The following IQGAP2 variants were observed in gnomAD, a reference collection of about 807,000 sequenced individuals.
IQGAP2 encodes IQ motif containing GTPase activating protein 2.
In IQGAP2, 173 loss-of-function variants were observed where a neutral mutation model predicts 201.3. The observed-to-expected ratio is 0.86, with a 90% confidence interval of 0.76 to 0.98. IQGAP2 has a LOEUF of 0.98. Among genes scored for constraint, IQGAP2 ranks in the 50% least tolerant of loss-of-function variants. IQGAP2 has a pLI of 0.00. For missense variants in IQGAP2, 1,687 were observed against 1,864.8 expected (o/e 0.90, Z 1.76); for synonymous variants, 675 against 673.9 (o/e 1.00, Z -0.03).
intron 30 of IQGAP2, among the ~76,000 whole-genome samples, chr5:76,686,851 ACTATT>A (rs1385336476): frequency 6.6e-6 from 1 of 152,166 alleles, no homozygotes; most frequent in Non-Finnish European, 1.5e-5. Flanking sequence ...TTGTTCTAGC[ACTATT>A]AGTTAAACAG....
chr5:76,658,431 T>TA (rs756978667), intron 20 of IQGAP2, 28 bp from the exon 21 acceptor site: 1 of 1,553,518 alleles, frequency 6.4e-7, no homozygotes, highest in African/African-American at 1.4e-5. Context: ...CTTTCCTAAT[T>TA]AAAGTATACC....
intron 3 of IQGAP2, among the ~76,000 whole-genome samples, chr5:76,569,402 T>G (rs1164465304): frequency 6.6e-6 from 1 of 151,492 alleles, no homozygotes; most frequent in Non-Finnish European, 1.5e-5. Flanking sequence ...CCAGTTTGAG[T>G]CTATTAAAAT....
chr5:76,689,250 A>ACCTGGTCG, intron 30 of IQGAP2, among the ~76,000 whole-genome samples: 1 of 149,868 alleles, frequency 6.7e-6, no homozygotes, highest in Non-Finnish European at 1.5e-5. Context: ...AAAAAAAAAA[A>ACCTGGTCG]AAAAAACCTG....
chr5:76,602,440 GCTT>G (rs1262028729), intron 11 of IQGAP2, among the ~76,000 whole-genome samples: 2 of 152,098 alleles, frequency 1.3e-5, no homozygotes, highest in African/African-American at 2.4e-5. Flanking sequence ...AAAAATGCCT[GCTT>G]CTTCATTTAC....
chr5:76,418,762 C>G (rs1751555641), intron 1 of IQGAP2, among the ~76,000 whole-genome samples: 1 of 152,160 alleles, frequency 6.6e-6, no homozygotes, highest in South Asian at 2.1e-4. Context: ...GTCTCCTAAT[C>G]TGATGACAGA....
At chr5:76,650,155 G>A (rs1037573427) in intron 17 of IQGAP2, among the ~76,000 whole-genome samples, 1 of 152,226 alleles carries the variant, frequency 6.6e-6, no homozygotes, top group African/African-American at 2.4e-5. Flanking sequence ...AAGCATTGGG[G>A]ATTTCAGTTC....
Position 76,492,259 on chromosome 5 carries a change from A to G in IQGAP2, c.146+30590A>G, listed in dbSNP as rs568782381. Among the ~76,000 whole-genome samples the G allele has an allele frequency of 9.2e-5, 14 of 152,316 alleles. 1 individual carries two copies. In the South Asian group the frequency reaches 2.7e-3, roughly 29 times the overall value. On this transcript the variant is annotated intron_variant, in intron 2 of 35. Coordinates refer to ENST00000274364, the MANE Select transcript of IQGAP2 (RefSeq NM_006633.5). Reference sequence around the variant, plus strand: ...GGAGTTGTGAAGTGAAACAGAGCACAGCATGCACCTGTGGACTGCTTTCAG... The same window carrying G: ...GGAGTTGTGAAGTGAAACAGAGCACGGCATGCACCTGTGGACTGCTTTCAG...
Position 76,674,519 on chromosome 5 carries a change from A to G in IQGAP2, c.3337A>G (p.Ile1113Val). ...LLYYRYMNPA[I>V]VAPDGFDIID... Reference sequence around the variant, plus strand: ...GTACTATCGGTACATGAATCCAGCCATTGTAGCTCCAGATGGCTTTGATAT... The same window carrying G: ...GTACTATCGGTACATGAATCCAGCCGTTGTAGCTCCAGATGGCTTTGATAT... The change falls in exon 27 of 36, where the codon ATT becomes GTT. Residue 1113 changes from isoleucine (I) to valine (V), a missense_variant. Physicochemically the swap from Ile to Val is conservative, Grantham distance 29 (BLOSUM62 3). Coordinates refer to ENST00000274364, the MANE Select transcript of IQGAP2 (RefSeq NM_006633.5). 1 of 1,614,144 alleles carries G rather than the reference A, an allele frequency of 6.2e-7. No individual in the cohort carries two copies. The highest frequency in any genetic ancestry group is 1.1e-5 in the South Asian group (1 of 91,086).
chr5:76,578,588 A>G (rs1044428269), intron 5 of IQGAP2, among the ~76,000 whole-genome samples: 1 of 152,218 alleles, frequency 6.6e-6, no homozygotes, highest in African/African-American at 2.4e-5. Flanking sequence ...CTGGGATTAC[A>G]GGCATCAGCC....
intron 2 of IQGAP2, among the ~76,000 whole-genome samples, chr5:76,495,546 A>T (rs1320995745): frequency 1.3e-5 from 2 of 152,162 alleles, no homozygotes; most frequent in Non-Finnish European, 2.9e-5. Context: ...TCACAGGACC[A>T]TTGTGGGGTA....
At position 76,673,462 on chromosome 5, in the gene IQGAP2, G is replaced by A; in HGVS notation, c.3082G>A (p.Asp1028Asn). 2 of 1,613,626 alleles carry A rather than the reference G, an allele frequency of 1.2e-6. No individual in the cohort carries two copies. The highest frequency in any genetic ancestry group is 1.7e-4 in the Middle Eastern group (1 of 6,056). Residue 1028 changes from aspartate to asparagine, a missense_variant, in exon 25 of 36, where the codon GAT becomes AAT. Coordinates refer to ENST00000274364, the MANE Select transcript of IQGAP2 (RefSeq NM_006633.5). The part of the protein sequence containing the change: ...QTGEASKLPY[D>N]VTTEQALTYP... ...TTGTGTTTTCAGCAAGTTGCCTTAT[G>A]ATGTGACCACAGAACAAGCTCTAAC...
intron 2 of IQGAP2, among the ~76,000 whole-genome samples, chr5:76,526,464 T>C (rs760376986): frequency 6.6e-6 from 1 of 152,196 alleles, no homozygotes; most frequent in Non-Finnish European, 1.5e-5. Flanking sequence ...GGATATAATA[T>C]GGAGAAAAGA....
At chr5:76,538,311 G>C (rs2150216146) in intron 2 of IQGAP2, among the ~76,000 whole-genome samples, 1 of 152,238 alleles carries the variant, frequency 6.6e-6, no homozygotes, top group African/African-American at 2.4e-5. Flanking sequence ...TTGTGGAAGT[G>C]ACAATTCAAG....
intron 1 of IQGAP2, among the ~76,000 whole-genome samples, chr5:76,422,851 T>C (rs929910593): frequency 7.2e-5 from 11 of 152,236 alleles, no homozygotes; most frequent in African/African-American, 2.7e-4. Flanking sequence ...GGTGCTGTTT[T>C]AAGCACTTTG....
chr5:76,703,490 A>G (rs1331169377), intron 35 of IQGAP2, among the ~76,000 whole-genome samples: 2 of 152,042 alleles, frequency 1.3e-5, no homozygotes, highest in African/African-American at 4.8e-5. Context: ...TATTAACTCT[A>G]TTTGTCAAAT....
At chr5:76,559,699 C>A (rs1031518503) in intron 2 of IQGAP2, among the ~76,000 whole-genome samples, 1 of 152,172 alleles carries the variant, frequency 6.6e-6, no homozygotes, top group Non-Finnish European at 1.5e-5. Context: ...ATGTCATTTC[C>A]TCATAATGTT....
At chr5:76,428,158 C>A (rs1408964049) in intron 1 of IQGAP2, among the ~76,000 whole-genome samples, 4 of 152,122 alleles carry the variant, frequency 2.6e-5, no homozygotes, top group South Asian at 2.1e-4. Context: ...CAGAGGAGCG[C>A]CAGCCCCTCA....
chr5:76,683,173 T>C lies in IQGAP2; in HGVS notation c.3719T>C (p.Leu1240Ser). The C allele has an allele frequency of 6.2e-7, 1 of 1,612,766 alleles. No individual in the cohort carries two copies. Among genetic ancestry groups the C allele is most frequent in the East Asian group, 2.2e-5 (1 of 44,754 alleles). Residue 1240 changes from leucine (L) to serine (S), a missense_variant, in exon 29 of 36, where the codon TTG becomes TCG. Coordinates refer to ENST00000274364, the MANE Select transcript of IQGAP2 (RefSeq NM_006633.5). The stretch of plus-strand genomic sequence containing the variant: ...GAGAAAAATGACTTACTGAGTGAAT[T>C]GCTGGGGTCGCTGGGAGAGGTGCCA... ...APEKNDLLSELLGSLGEVPTV... is the reference protein window; with the variant it reads ...APEKNDLLSESLGSLGEVPTV...
At chr5:76,516,195 G>A (rs530856314) in intron 2 of IQGAP2, among the ~76,000 whole-genome samples, 1 of 152,160 alleles carries the variant, frequency 6.6e-6, no homozygotes, top group South Asian at 2.1e-4. Flanking sequence ...TTTTTAAAAG[G>A]AAGTATAGTT....
Sources: gnomAD v4.1 joint callset for allele counts (sites outside exome capture counted in the v4.1 genomes callset) on GRCh38, gnomAD v4.1.1 for gene constraint, MANE v1.5 for transcripts, NCBI Gene and HGNC (gene_info 2026-07-23, HGNC 2026-07-21) for gene names.